TCF4: variants seen among roughly 807,000 people sequenced by gnomAD.
The protein encoded by TCF4 is transcription factor 4.
In TCF4, 3 loss-of-function variants were observed where a neutral mutation model predicts 82.1. The observed-to-expected ratio is 0.04, with a 90% CI of 0.02 to 0.09. TCF4 has a LOEUF of 0.09. Among genes scored for constraint, TCF4 ranks in the 10% least tolerant of loss-of-function variants. The pLI, the probability that TCF4 is intolerant of heterozygous loss-of-function variation, is 1.00. For synonymous variants in TCF4, 276 were observed against 309.6 expected, an observed-to-expected ratio of 0.89 and a Z score of 1.14; for missense variants, 518 against 852.7, an observed-to-expected ratio of 0.61 and a Z score of 4.89.
At position 55,607,351 on chromosome 18, in the gene TCF4, T is replaced by C. The variant is rs577546175; in HGVS notation, c.287-20215A>G. 3.3e-5 allele frequency among the ~76,000 whole-genome samples: 5 copies of C among 152,340 alleles called. No homozygotes were observed. The South Asian group carries it at 8.3e-4, about 25-fold the overall frequency. ...TTGAATTTGATGCTGAATTTTAAGA[T>C]AAATTTTCCAACAAATTATGAGAAA... On this transcript the variant is annotated intron_variant, in intron 2 of 20. Transcript: ENST00000398339.
rs551463172 is a variant in TCF4 at position 55,519,895 on chromosome 18, T to C, written c.146-55758A>G. On this transcript the variant is annotated intron_variant, in intron 3 of 19. Transcript: ENST00000354452. ...TAAAGTACGAACTGTGGTTGCTAAA[T>C]GATTCTAAAAAGAAGAAAATGAAGC... Among the ~76,000 whole-genome samples the C allele has an allele frequency of 3.6e-3, 549 of 152,324 alleles. 2 individuals are homozygous for C. Among genetic ancestry groups the C allele is most frequent in the Non-Finnish European group, 5.8e-3 (396 of 68,020 alleles).
intron 5 of TCF4, among the ~76,000 whole-genome samples, chr18:55,429,743 G>A (rs994690295): frequency 1.9e-5 from 2 of 106,888 alleles, no homozygotes; most frequent in African/African-American, 7.2e-5. Flanking sequence ...CCAGCTTGGG[G>A]GACAGAGCAA....
At chr18:55,325,273 T>C (rs2076357202) in intron 8 of TCF4, among the ~76,000 whole-genome samples, 1 of 152,174 alleles carries the variant, frequency 6.6e-6, no homozygotes, top group Non-Finnish European at 1.5e-5. Context: ...GTCAATTTTC[T>C]TCCTGAGAAA....
At chr18:55,587,169 T>C in intron 1 of TCF4, 33 bp from the exon 2 acceptor site, 1 of 1,318,022 alleles carries the variant, frequency 7.6e-7, no homozygotes, top group Non-Finnish European at 1.0e-6. Context: ...AATCAGAAAA[T>C]CCAGTCCCAA....
intron 5 of TCF4, among the ~76,000 whole-genome samples, chr18:55,421,706 A>AT (rs1395076495): frequency 6.6e-6 from 1 of 152,152 alleles, no homozygotes; most frequent in African/African-American, 2.4e-5. Context: ...AATAATCATC[A>AT]TTTTTTAACC....
intron 8 of TCF4, among the ~76,000 whole-genome samples, chr18:55,300,484 C>T (rs1216470983): frequency 6.6e-6 from 1 of 151,978 alleles, no homozygotes; most frequent in African/African-American, 2.4e-5. Context: ...GTTCCACAAG[C>T]GAAGCACATT....
intron 8 of TCF4, among the ~76,000 whole-genome samples, chr18:55,314,266 C>T (rs2073446869): frequency 6.6e-6 from 1 of 152,114 alleles, no homozygotes; most frequent in African/African-American, 2.4e-5. Context: ...TAATGCTGAG[C>T]CTCCACTTCT....
At chr18:55,577,426 T>C (rs950453467) in intron 3 of TCF4, among the ~76,000 whole-genome samples, 1 of 151,642 alleles carries the variant, frequency 6.6e-6, no homozygotes, top group South Asian at 2.1e-4. Flanking sequence ...TCTCCAGATA[T>C]AAATATAAAT....
chr18:55,415,635 A>G (rs907765777), intron 5 of TCF4, among the ~76,000 whole-genome samples: 4 of 152,232 alleles, frequency 2.6e-5, no homozygotes, highest in African/African-American at 9.6e-5. Context: ...ATACATAAGT[A>G]CACTTTAGTA....
intron 8 of TCF4, among the ~76,000 whole-genome samples, chr18:55,284,099 C>T (rs1021720432): frequency 4.6e-5 from 7 of 152,094 alleles, no homozygotes; most frequent in Non-Finnish European, 1.0e-4. Context: ...CTTGTGGCAT[C>T]TGATAATGAC....
chr18:55,559,922 G>T (rs936913219), intron 3 of TCF4, among the ~76,000 whole-genome samples: 1 of 152,112 alleles, frequency 6.6e-6, no homozygotes, highest in African/African-American at 2.4e-5. Flanking sequence ...AGGGGGTGGG[G>T]AGTATAAAGT....
At chr18:55,321,646 C>A in intron 8 of TCF4, 2 of 1,536,090 alleles carry the variant, frequency 1.3e-6, no homozygotes, top group South Asian at 2.4e-5. Flanking sequence ...TCAAAAATCC[C>A]CCTCGCAGCC....
At chr18:55,428,823 C>G (rs538846858) in intron 5 of TCF4, among the ~76,000 whole-genome samples, 1 of 152,060 alleles carries the variant, frequency 6.6e-6, no homozygotes, top group East Asian at 1.9e-4. Flanking sequence ...TTAGTTGGAG[C>G]CTTATTGCCT....
rs370880099 is a variant in TCF4, at chr18:55,259,953, G to A, written c.1065C>T (p.Leu355=). Residue 355 remains leucine (L), a synonymous_variant, in exon 13 of 20, where the codon CTC becomes CTT. Coordinates refer to ENST00000354452, the MANE Select transcript of TCF4 (RefSeq NM_001083962.2). ...ATGGGATTTGAAATACACTACCTGA[G>A]AGAGATGGAGGAGAGCCAACAGGAG... ...PSTPVGSPPS[L]SAGTAVWSRN... 1 of 1,610,716 alleles carries A rather than the reference G, an allele frequency of 6.2e-7. No individual in the cohort carries two copies. Among genetic ancestry groups the A allele is most frequent in the Non-Finnish European group, 8.5e-7 (1 of 1,177,258 alleles).
At chr18:55,522,073 A>G (rs988657843) in intron 3 of TCF4, among the ~76,000 whole-genome samples, 1 of 152,160 alleles carries the variant, frequency 6.6e-6, no homozygotes, top group Admixed American at 6.6e-5. Context: ...TGTTATCTCC[A>G]AGGAGGTTAA....
At chr18:55,348,026 G>C (rs923487392) in intron 8 of TCF4, among the ~76,000 whole-genome samples, 31 of 152,054 alleles carry the variant, frequency 2.0e-4, no homozygotes, top group Non-Finnish European at 1.8e-4. Context: ...GCATGGCAGA[G>C]GTCTAAAAAT....
At chr18:55,257,754 GTT>G (rs894021632) in intron 13 of TCF4, among the ~76,000 whole-genome samples, 1 of 152,136 alleles carries the variant, frequency 6.6e-6, no homozygotes, top group African/African-American at 2.4e-5. Context: ...TGCAAGGCTA[GTT>G]TATGTTAAAC....
chr18:55,334,929 A>C (rs184852762), intron 8 of TCF4, among the ~76,000 whole-genome samples: 5 of 152,314 alleles, frequency 3.3e-5, no homozygotes, highest in African/African-American at 1.2e-4. Flanking sequence ...GAGCAAAGGG[A>C]AAGTTTGGCA....
chr18:55,234,833 C>T (rs111929143), intron 15 of TCF4, 150 bp from the exon 16 acceptor site: 3 of 1,051,768 alleles, frequency 2.9e-6, no homozygotes, highest in Non-Finnish European at 4.3e-6. Flanking sequence ...ACCGCACATG[C>T]ACCTATAGTT....
Sources: allele counts gnomAD v4.1 joint callset (sites outside exome capture counted in the v4.1 genomes callset), GRCh38; gene constraint gnomAD v4.1.1; transcripts MANE v1.5; gene names NCBI Gene and HGNC (gene_info 2026-07-23, HGNC 2026-07-21).